RBFOX1: variants seen among roughly 807,000 people sequenced by gnomAD.
RBFOX1 encodes RNA binding protein fox-1 homolog 1.
A neutral mutation model predicts 57.7 loss-of-function variants in RBFOX1; 8 were observed. The observed-to-expected ratio is 0.14, with a 90% CI of 0.08 to 0.25. RBFOX1 has a LOEUF of 0.25. Among genes scored for constraint, RBFOX1 ranks in the 10% least tolerant of loss-of-function variants. The probability of loss-of-function intolerance (pLI) is 1.00; values close to 1 mark genes in which losing one functional copy is unlikely to be tolerated. For synonymous variants in RBFOX1, 326 were observed against 222.4 expected (o/e 1.47, Z -4.15); for missense variants, 611 against 548.5 (o/e 1.11, Z -1.14).
At chr16:5,529,024 C>G (rs1365207380) in intron 2 of RBFOX1, among the ~76,000 whole-genome samples, 2 of 152,166 alleles carry the variant, frequency 1.3e-5, no homozygotes, top group South Asian at 2.1e-4. Context: ...ACCACTGGCT[C>G]TCTCCCTTCT....
chr16:5,896,956 C>T lies in RBFOX1; in HGVS notation c.351+29621C>T, dbSNP rs192256350. On this transcript the variant is annotated intron_variant, in intron 4 of 19. Coordinates refer to the RBFOX1 transcript ENST00000641259. ...AACATTCGTTTGAAAGCTACGTTAC[C>T]CCCGCTATTTTTTTAAAATCATAAG... 3.7e-3 allele frequency among the ~76,000 whole-genome samples: 550 copies of T among 149,266 alleles called. 1 individual carries two copies. The highest frequency in any genetic ancestry group is 0.013 in the African/African-American group (505 of 40,262).
At chr16:6,626,526 G>A (rs931476065) in intron 2 of RBFOX1, among the ~76,000 whole-genome samples, 2 of 152,160 alleles carry the variant, frequency 1.3e-5, no homozygotes, top group Non-Finnish European at 1.5e-5. Context: ...TTGGGAGGCC[G>A]AGGCAGGCGG....
chr16:6,113,817 C>T (rs188146462), intron 1 of RBFOX1, among the ~76,000 whole-genome samples: 1 of 152,286 alleles, frequency 6.6e-6, no homozygotes, highest in Non-Finnish European at 1.5e-5. Flanking sequence ...AGGCCGTGGT[C>T]TCTGTGTCTT....
intron 5 of RBFOX1, among the ~76,000 whole-genome samples, chr16:7,579,099 A>G (rs370588699): frequency 6.6e-6 from 1 of 152,226 alleles, no homozygotes; most frequent in African/African-American, 2.4e-5. Flanking sequence ...AATGCAGCTA[A>G]TGCAAACAAA....
At chr16:6,389,140 G>A (rs945960691) in intron 2 of RBFOX1, among the ~76,000 whole-genome samples, 3 of 152,154 alleles carry the variant, frequency 2.0e-5, no homozygotes, top group East Asian at 3.8e-4. Context: ...TCATCAGTAC[G>A]TTCAGTTCAT....
chr16:6,982,018 C>T (rs942094255), intron 3 of RBFOX1, among the ~76,000 whole-genome samples: 8 of 152,254 alleles, frequency 5.3e-5, no homozygotes, highest in East Asian at 1.9e-4. Context: ...TTTGAACCCT[C>T]GTGTTTTACC....
intron 3 of RBFOX1, among the ~76,000 whole-genome samples, chr16:6,935,046 G>A (rs184237813): frequency 4.1e-4 from 63 of 151,820 alleles, no homozygotes; most frequent in Admixed American, 2.0e-3. Context: ...AGACAAGATC[G>A]TTCCACTGCA....
intron 1 of RBFOX1, among the ~76,000 whole-genome samples, chr16:5,322,104 C>T (rs369872059): frequency 1.8e-4 from 27 of 152,110 alleles, no homozygotes; most frequent in Admixed American, 1.0e-3. Context: ...TGAACCCTGA[C>T]GCATCTGATT....
intron 3 of RBFOX1, among the ~76,000 whole-genome samples, chr16:5,769,138 A>G (rs2151670057): frequency 6.6e-6 from 1 of 152,260 alleles, no homozygotes; most frequent in East Asian, 1.9e-4. Flanking sequence ...GAGTGACTGC[A>G]TTTAAACCTG....
intron 1 of RBFOX1, among the ~76,000 whole-genome samples, chr16:6,202,481 A>C (rs930417512): frequency 6.6e-6 from 1 of 152,208 alleles, no homozygotes; most frequent in Non-Finnish European, 1.5e-5. Context: ...ACTTCACTCA[A>C]GAACTTAAGA....
At chr16:7,012,438 C>T (rs1460228558) in intron 3 of RBFOX1, among the ~76,000 whole-genome samples, 1 of 152,158 alleles carries the variant, frequency 6.6e-6, no homozygotes, top group Non-Finnish European at 1.5e-5. Context: ...AGGCAAGGAG[C>T]CTTCAATCAT....
At chr16:6,825,825 A>G (rs1031606453) in intron 3 of RBFOX1, among the ~76,000 whole-genome samples, 1 of 152,168 alleles carries the variant, frequency 6.6e-6, no homozygotes, top group African/African-American at 2.4e-5. Flanking sequence ...CTGCACAGGA[A>G]CTTGCATCTT....
In RBFOX1 at chr16:6,990,912, C is replaced by T. The variant is rs1259628071; in HGVS notation, c.-15-61145C>T. Among the ~76,000 whole-genome samples the T allele has an allele frequency of 3.3e-5, 5 of 152,144 alleles. No individual in the cohort carries two copies. In the East Asian group the frequency reaches 9.7e-4, roughly 29 times the overall value. On this transcript the variant is annotated intron_variant, in intron 3 of 15. Coordinates refer to ENST00000550418, the MANE Select transcript of RBFOX1 (RefSeq NM_018723.4). The stretch of plus-strand genomic sequence containing the variant: ...GTCATTTTTTATGATAGAAAAGTGA[C>T]TCTCGCAATTTATTGCCAATGAGAA...
intron 4 of RBFOX1, among the ~76,000 whole-genome samples, chr16:7,472,139 T>C (rs1433367036): frequency 2.6e-5 from 4 of 152,226 alleles, no homozygotes; most frequent in Non-Finnish European, 5.9e-5. Flanking sequence ...TGTTTATAAT[T>C]TCTTCTTTTT....
chr16:6,791,843 G>A (rs573734838), intron 3 of RBFOX1, among the ~76,000 whole-genome samples: 2 of 152,106 alleles, frequency 1.3e-5, no homozygotes, highest in Admixed American at 1.3e-4. Context: ...AGGTGGTACT[G>A]GTTCAATACT....
chr16:7,368,785 A>G (rs2147170538), intron 4 of RBFOX1, among the ~76,000 whole-genome samples: 1 of 151,286 alleles, frequency 6.6e-6, no homozygotes, highest in South Asian at 2.1e-4. Flanking sequence ...GTCTCAAAAA[A>G]AAAAAAAAAA....
chr16:5,823,254 T>A (rs759157700), intron 3 of RBFOX1, among the ~76,000 whole-genome samples: 1 of 152,160 alleles, frequency 6.6e-6, no homozygotes, highest in African/African-American at 2.4e-5. Flanking sequence ...TACACATAGT[T>A]GGTACTTGAT....
chr16:7,601,267 G>C (rs2095007051), intron 9 of RBFOX1, among the ~76,000 whole-genome samples: 1 of 152,168 alleles, frequency 6.6e-6, no homozygotes, highest in Admixed American at 6.5e-5. Flanking sequence ...TCTCTAGTGG[G>C]AACTGTACAA....
intron 4 of RBFOX1, among the ~76,000 whole-genome samples, chr16:7,181,388 C>G (rs73538605): frequency 0.031 from 4,783 of 152,194 alleles, 257 homozygotes; most frequent in African/African-American, 0.11. Context: ...TTTTTGTTAA[C>G]AAGTGGTAAG....
Sources: gnomAD v4.1 joint callset for allele counts (sites outside exome capture counted in the v4.1 genomes callset) on GRCh38, gnomAD v4.1.1 for gene constraint, MANE v1.5 for transcripts, NCBI Gene and HGNC (gene_info 2026-07-23, HGNC 2026-07-21) for gene names.